Variants in MCTP1 observed in about 807,000 individuals in gnomAD.
The protein encoded by MCTP1 is multiple C2 and transmembrane domain containing 1.
In MCTP1, 69 loss-of-function variants were observed where a neutral mutation model predicts 120.6. The observed-to-expected ratio is 0.57, with a 90% CI of 0.47 to 0.70. MCTP1 has a LOEUF of 0.70. Among genes scored for constraint, MCTP1 ranks in the 30% least tolerant of loss-of-function variants. MCTP1 has a pLI of 0.00. For synonymous variants in MCTP1, 529 were observed against 493.1 expected (o/e 1.07, Z -0.96); for missense variants, 1,203 against 1,248.8 (o/e 0.96, Z 0.55).
chr5:95,145,643 A>G (rs1158630018), intron 1 of MCTP1, among the ~76,000 whole-genome samples: 1 of 152,162 alleles, frequency 6.6e-6, no homozygotes, highest in Non-Finnish European at 1.5e-5. Flanking sequence ...ATCTATTAAG[A>G]TAATCATATG....
chr5:95,121,630 T>C (rs958207022), intron 1 of MCTP1, among the ~76,000 whole-genome samples: 6 of 151,306 alleles, frequency 4.0e-5, no homozygotes, highest in African/African-American at 1.2e-4. Context: ...ACATTCTTCA[T>C]AGAAATAGAA....
At position 94,870,887 on chromosome 5, in the gene MCTP1, A is replaced by C. The variant is rs1181130117; in HGVS notation, c.2226T>G (p.Asp742Glu). ...TAAGACTTACAGCATTAAAAATCAC[A>C]TCTATTTCAAGATAGATGACCCCCT... is the stretch of plus-strand genomic sequence containing the variant. Reference protein sequence around the residue: ...PTKGVIYLEIDVIFNAVKASL... With the variant: ...PTKGVIYLEIEVIFNAVKASL... Residue 742 changes from aspartate to glutamate, a missense_variant, in exon 15 of 23, where the codon GAT (aspartate) becomes GAG (glutamate). This residue lies in a region of MCTP1 where 740 missense variants were observed against 871.1 expected (regional missense o/e 0.85). Transcript: ENST00000515393. The C allele has an allele frequency of 1.2e-6, 2 of 1,612,136 alleles. No homozygotes were observed. The highest frequency in any genetic ancestry group is 1.7e-6 in the Non-Finnish European group (2 of 1,178,442).
chr5:95,185,547 T>G (rs1177144627), intron 1 of MCTP1, among the ~76,000 whole-genome samples: 1 of 152,106 alleles, frequency 6.6e-6, no homozygotes, highest in African/African-American at 2.4e-5. Context: ...ATTTGGGAGA[T>G]CGAAGTGGGT....
chr5:94,966,571 G>T (rs954222248), intron 2 of MCTP1, among the ~76,000 whole-genome samples: 4 of 152,086 alleles, frequency 2.6e-5, no homozygotes, highest in Non-Finnish European at 5.9e-5. Context: ...CGAGGCAGGG[G>T]AATCACAAGG....
intron 17 of MCTP1, among the ~76,000 whole-genome samples, chr5:94,805,302 A>C (rs1268166188): frequency 6.6e-6 from 1 of 152,112 alleles, no homozygotes; most frequent in East Asian, 1.9e-4. Flanking sequence ...ATTCAGAATG[A>C]GGGTTTTTTT....
intron 12 of MCTP1, among the ~76,000 whole-genome samples, chr5:94,885,664 C>T (rs1048701925): frequency 1.4e-5 from 2 of 139,688 alleles, no homozygotes; most frequent in Admixed American, 1.5e-4. Context: ...GATCTAGCTG[C>T]AGAGAGAATG....
At chr5:94,902,936 C>T (rs1253081584) in intron 10 of MCTP1, among the ~76,000 whole-genome samples, 1 of 152,052 alleles carries the variant, frequency 6.6e-6, no homozygotes, top group Non-Finnish European at 1.5e-5. Context: ...GAGAACTTTG[C>T]CAATTATTTT....
chr5:94,769,383 CAAA>C (rs1469436967), intron 19 of MCTP1, among the ~76,000 whole-genome samples: 1 of 152,070 alleles, frequency 6.6e-6, no homozygotes, highest in African/African-American at 2.4e-5. Flanking sequence ...ATTCAACACT[CAAA>C]GAAGTGATAA....
intron 1 of MCTP1, among the ~76,000 whole-genome samples, chr5:95,165,842 C>T (rs1746274987): frequency 6.6e-6 from 1 of 152,158 alleles, no homozygotes; most frequent in East Asian, 1.9e-4. Flanking sequence ...TGGATCTCGA[C>T]CCACTGACTC....
chr5:95,220,348 T>G (rs1753547825), intron 1 of MCTP1, among the ~76,000 whole-genome samples: 1 of 151,906 alleles, frequency 6.6e-6, no homozygotes, highest in South Asian at 2.1e-4. Flanking sequence ...TTTTTTTTTT[T>G]TACAAAGAAT....
At chr5:95,194,896 G>A (rs1472879360) in intron 1 of MCTP1, among the ~76,000 whole-genome samples, 1 of 152,192 alleles carries the variant, frequency 6.6e-6, no homozygotes, top group Non-Finnish European at 1.5e-5. Flanking sequence ...CTAGAGGGAT[G>A]ACAGAGAAAA....
intron 2 of MCTP1, among the ~76,000 whole-genome samples, chr5:94,995,537 T>C (rs1157764708): frequency 1.3e-5 from 2 of 151,986 alleles, no homozygotes; most frequent in Non-Finnish European, 2.9e-5. Context: ...CCTTGCAGAG[T>C]GAATTGAAGA....
intron 3 of MCTP1, among the ~76,000 whole-genome samples, chr5:94,950,195 T>C (rs187086989): frequency 6.6e-6 from 1 of 152,276 alleles, no homozygotes; most frequent in East Asian, 1.9e-4. Context: ...TGTGTACTAG[T>C]ATCTCAGAGA....
intron 16 of MCTP1, among the ~76,000 whole-genome samples, chr5:94,869,256 A>G (rs1056888599): frequency 1.6e-4 from 25 of 152,050 alleles, no homozygotes; most frequent in Non-Finnish European, 3.2e-4. Flanking sequence ...CTGCAAGTTA[A>G]CATTTTGCTA....
chr5:95,049,892 G>T (rs1290946993), intron 1 of MCTP1, among the ~76,000 whole-genome samples: 2 of 152,018 alleles, frequency 1.3e-5, no homozygotes, highest in African/African-American at 2.4e-5. Context: ...AAGTCACATA[G>T]ATCAAAACCC....
intron 1 of MCTP1, among the ~76,000 whole-genome samples, chr5:95,193,501 CT>C (rs1750049271): frequency 1.3e-5 from 2 of 152,078 alleles, no homozygotes; most frequent in Non-Finnish European, 2.9e-5. Context: ...TTAAAACAGC[CT>C]GATTAAGATA....
At chr5:95,245,868 C>A (rs1380131768) in intron 1 of MCTP1, among the ~76,000 whole-genome samples, 1 of 152,108 alleles carries the variant, frequency 6.6e-6, no homozygotes, top group Non-Finnish European at 1.5e-5. Context: ...AACCCCAAGA[C>A]ACATAATTGT....
chr5:94,960,670 T>G (rs1823901923), intron 2 of MCTP1, among the ~76,000 whole-genome samples: 1 of 152,056 alleles, frequency 6.6e-6, no homozygotes, highest in Non-Finnish European at 1.5e-5. Flanking sequence ...GAAAAAAAGC[T>G]CATCATCACT....
intron 1 of MCTP1, among the ~76,000 whole-genome samples, chr5:95,022,738 T>C (rs1838443701): frequency 6.6e-6 from 1 of 152,190 alleles, no homozygotes; most frequent in South Asian, 2.1e-4. Context: ...AACCCAGGTA[T>C]ACCCTTAGAA....
Sources: gnomAD v4.1 joint callset for allele counts (sites outside exome capture counted in the v4.1 genomes callset) on GRCh38, gnomAD v4.1.1 for gene constraint, gnomAD v4.1.1 regional missense constraint, MANE v1.5 for transcripts, NCBI Gene and HGNC (gene_info 2026-07-23, HGNC 2026-07-21) for gene names.